IQGAP2: variants seen among roughly 807,000 people sequenced by gnomAD.
IQGAP2 encodes the protein IQ motif containing GTPase activating protein 2, also known as ras GTPase-activating-like protein IQGAP2.
Under a neutral mutation model 201.3 loss-of-function variants are expected in IQGAP2, and 173 were observed. The ratio of observed to expected loss-of-function variants is 0.86; its 90% CI spans 0.76 to 0.98. The LOEUF is 0.98. Among genes scored for constraint, IQGAP2 ranks in the 50% least tolerant of loss-of-function variants. IQGAP2 has a pLI of 0.00. For missense variants in IQGAP2, 1,687 were observed against 1,864.8 expected (o/e 0.90, Z 1.76); for synonymous variants, 675 against 673.9 (o/e 1.00, Z -0.03).
chr5:76,446,273 A>G (rs1753387613), intron 1 of IQGAP2, among the ~76,000 whole-genome samples: 1 of 152,016 alleles, frequency 6.6e-6, no homozygotes, highest in South Asian at 2.1e-4. Context: ...ACTGCTTTCC[A>G]CAGGAGTGGC....
chr5:76,448,704 C>T (rs1753549044), intron 1 of IQGAP2, among the ~76,000 whole-genome samples: 1 of 152,166 alleles, frequency 6.6e-6, no homozygotes, highest in Admixed American at 6.5e-5. Flanking sequence ...TCTCCATCCC[C>T]ATTCCCATGG....
chr5:76,593,915 A>T (rs953314407), intron 9 of IQGAP2, among the ~76,000 whole-genome samples: 4 of 152,212 alleles, frequency 2.6e-5, no homozygotes, highest in South Asian at 2.1e-4. Context: ...AAATTGCTGG[A>T]GAGAAATATC....
intron 2 of IQGAP2, among the ~76,000 whole-genome samples, chr5:76,527,698 G>T (rs1759051560): frequency 1.3e-5 from 2 of 152,174 alleles, no homozygotes; most frequent in Admixed American, 6.5e-5. Context: ...CATTTATAGT[G>T]ACTAATCAAT....
chr5:76,586,474 A>G (rs1746254769), intron 5 of IQGAP2, among the ~76,000 whole-genome samples: 1 of 152,252 alleles, frequency 6.6e-6, no homozygotes, highest in African/African-American at 2.4e-5. Context: ...ATTTCGTGGA[A>G]GACATATGAA....
chr5:76,528,880 G>A (rs1220152742), intron 2 of IQGAP2, among the ~76,000 whole-genome samples: 1 of 152,140 alleles, frequency 6.6e-6, no homozygotes, highest in East Asian at 1.9e-4. Flanking sequence ...CTATAGACAG[G>A]AGTAAAGCCT....
Position 76,668,680 on chromosome 5 carries a change from G to C in IQGAP2, c.2680-1G>C. ...TTTTCTTTTTCCTTCTTTCCTTCTAGACCAACCCTTTATACTTGGCTAAGC... is the reference window on the plus strand; with the variant it reads ...TTTTCTTTTTCCTTCTTTCCTTCTACACCAACCCTTTATACTTGGCTAAGC... On this transcript the variant is annotated splice_acceptor_variant, in intron 22 of 35. Transcript: ENST00000274364. LOFTEE classifies it high-confidence loss of function. 6.2e-7 allele frequency: 1 copy of C among 1,603,608 alleles called. No individual in the cohort carries two copies. Among genetic ancestry groups the C allele is most frequent in the Non-Finnish European group, 8.5e-7 (1 of 1,176,744 alleles).
intron 5 of IQGAP2, among the ~76,000 whole-genome samples, chr5:76,580,149 G>A (rs947034938): frequency 5.9e-5 from 9 of 152,072 alleles, no homozygotes; most frequent in Non-Finnish European, 8.8e-5. Context: ...GGTGGCAGGT[G>A]CCTATAATCA....
At chr5:76,470,536 C>T (rs772617495) in intron 2 of IQGAP2, among the ~76,000 whole-genome samples, 9 of 152,144 alleles carry the variant, frequency 5.9e-5, no homozygotes, top group South Asian at 2.1e-4. Context: ...TGAATGCTTA[C>T]GGTTCTAAGC....
chr5:76,449,370 T>C (rs1322991071), intron 1 of IQGAP2, among the ~76,000 whole-genome samples: 1 of 152,158 alleles, frequency 6.6e-6, no homozygotes. Flanking sequence ...CTTTAATGAG[T>C]TGGTACTTTT....
intron 1 of IQGAP2, among the ~76,000 whole-genome samples, chr5:76,415,113 G>A (rs1751340594): frequency 6.6e-6 from 1 of 152,208 alleles, no homozygotes; most frequent in African/African-American, 2.4e-5. Context: ...AGAGGGACTG[G>A]GGGCAGGAGT....
intron 1 of IQGAP2, among the ~76,000 whole-genome samples, chr5:76,416,349 G>A (rs1444504758): frequency 6.6e-6 from 1 of 152,202 alleles, no homozygotes; most frequent in East Asian, 1.9e-4. Context: ...GTCTTGTTTA[G>A]CATCTTGGAA....
chr5:76,615,028 C>T (rs1484002911), intron 13 of IQGAP2, among the ~76,000 whole-genome samples: 2 of 152,104 alleles, frequency 1.3e-5, no homozygotes, highest in Non-Finnish European at 2.9e-5. Context: ...CAAGTATAAC[C>T]TTGTGTAGCT....
At chr5:76,695,385 T>C in intron 31 of IQGAP2, 69 bp from the exon 32 acceptor site, 4 of 1,301,116 alleles carry the variant, frequency 3.1e-6, no homozygotes, top group Non-Finnish European at 3.3e-6. Flanking sequence ...TTAACTTGCA[T>C]TGTGTAGCTT....
chr5:76,454,020 G>C (rs1753921694), intron 1 of IQGAP2, among the ~76,000 whole-genome samples: 1 of 152,148 alleles, frequency 6.6e-6, no homozygotes. Context: ...GAGTGTATAG[G>C]AGCAGGCAGT....
At chr5:76,602,903 T>C (rs996302734) in intron 11 of IQGAP2, among the ~76,000 whole-genome samples, 3 of 152,220 alleles carry the variant, frequency 2.0e-5, no homozygotes, top group Admixed American at 2.0e-4. Context: ...TGGCTTCTAC[T>C]CTTGGGGCTG....
At chr5:76,628,984 C>T (rs968320707) in intron 14 of IQGAP2, among the ~76,000 whole-genome samples, 8 of 152,132 alleles carry the variant, frequency 5.3e-5, no homozygotes, top group African/African-American at 9.7e-5. Context: ...AGAAATCAAA[C>T]CAATTTAGAA....
intron 1 of IQGAP2, among the ~76,000 whole-genome samples, chr5:76,406,316 T>C (rs912973595): frequency 6.6e-6 from 1 of 152,240 alleles, no homozygotes; most frequent in Non-Finnish European, 1.5e-5. Flanking sequence ...TGAAATTAAA[T>C]AGACTATTTT....
rs528493086 is a variant in IQGAP2 at position 76,465,250 on chromosome 5, G to C, written c.146+3581G>C. On this transcript the variant is annotated intron_variant, in intron 2 of 35. Coordinates refer to ENST00000274364, the MANE Select transcript of IQGAP2 (RefSeq NM_006633.5). ...AGATTTATCCTAGGAAGCAAGCTTG[G>C]TTTAAGACCTGAAAGTCAATATCAT... Among the ~76,000 whole-genome samples, 5 of 152,250 alleles carry C rather than the reference G, an allele frequency of 3.3e-5. No homozygotes were observed. In the East Asian group the frequency reaches 9.7e-4, roughly 29 times the overall value.
intron 21 of IQGAP2, among the ~76,000 whole-genome samples, chr5:76,663,633 A>G (rs752403857): frequency 6.6e-6 from 1 of 152,218 alleles, no homozygotes; most frequent in African/African-American, 2.4e-5. Context: ...TGGAAAATGT[A>G]TTTCTTACTG....
Sources: allele counts gnomAD v4.1 joint callset (sites outside exome capture counted in the v4.1 genomes callset), GRCh38; gene constraint gnomAD v4.1.1; transcripts MANE v1.5; gene names NCBI Gene and HGNC (gene_info 2026-07-23, HGNC 2026-07-21).